CCND3: variants seen among roughly 807,000 people sequenced by gnomAD.
CCND3 encodes the protein G1/S-specific cyclin-D3.
CCND3 carries 9 observed loss-of-function variants against 28.7 expected under a neutral mutation model. The observed-to-expected ratio is 0.31, with a 90% CI of 0.19 to 0.55. The LOEUF is 0.55. Among genes scored for constraint, CCND3 ranks in the 20% least tolerant of loss-of-function variants. CCND3 has a pLI of 0.93. For synonymous variants in CCND3, 164 were observed against 163.9 expected, an observed-to-expected ratio of 1.00 and a Z score of 0.00; for missense variants, 315 against 385.8, an observed-to-expected ratio of 0.82 and a Z score of 1.54.
chr6:41,992,687 T>G (rs1382680171), intron 1 of CCND3, among the ~76,000 whole-genome samples: 1 of 151,772 alleles, frequency 6.6e-6, no homozygotes, highest in Admixed American at 6.6e-5. Flanking sequence ...GACCTTGTGA[T>G]ACACTGGTCT....
At chr6:41,972,240 A>AAAAGAAAAGAAAAGAAAAGAAAAG (rs59527289) in intron 1 of CCND3, among the ~76,000 whole-genome samples, 3 of 99,738 alleles carry the variant, frequency 3.0e-5, no homozygotes, top group African/African-American at 1.2e-4. Flanking sequence ...AAAAAAAAAA[A>AAAAGAAAAGAAAAGAAAAGAAAAG]AAAAGAAAAG....
intron 1 of CCND3, among the ~76,000 whole-genome samples, chr6:42,019,280 G>A (rs1763626117): frequency 2.0e-5 from 3 of 152,110 alleles, no homozygotes; most frequent in Admixed American, 2.0e-4. Context: ...TTGAGGTGAG[G>A]AGTTCGAGAC....
intron 1 of CCND3, among the ~76,000 whole-genome samples, chr6:42,005,540 CAAAAAAAAAAAAAAAA>C (rs58659355): frequency 2.2e-4 from 14 of 62,846 alleles, no homozygotes; most frequent in African/African-American, 6.7e-4. Context: ...GACCCTGTCT[CAAAAAAAAAAAAAAAA>C]AAAAAAAAAA....
rs1276677493 is a variant in CCND3, at chr6:41,937,121, G to A, written c.574+114C>T. 10 of 1,156,606 alleles carry A rather than the reference G, an allele frequency of 8.6e-6. No homozygotes were observed. The East Asian group carries it at 2.1e-4, about 25-fold the overall frequency. The allele number at this position is 1,156,606 out of a possible 1,614,324, so 71.6% of individuals were successfully genotyped here. ...CATTGAGACTGGGGGCTCAGAGGGG[G>A]TATAATTTTCACAAAGGAATTTTGA... On this transcript the variant is annotated intron_variant, in intron 3 of 4. Coordinates refer to ENST00000372991, the MANE Select transcript of CCND3 (RefSeq NM_001760.5).
intron 1 of CCND3, chr6:42,018,482 C>T (rs1204006929): frequency 6.6e-6 from 1 of 152,092 alleles, no homozygotes; most frequent in East Asian, 1.9e-4. Context: ...TGTATCGTTC[C>T]AATTTTAGTA....
At chr6:42,041,271 G>T (rs1230376600) in intron 1 of CCND3, among the ~76,000 whole-genome samples, 1 of 152,228 alleles carries the variant, frequency 6.6e-6, no homozygotes, top group East Asian at 1.9e-4. Flanking sequence ...CAAAAGGCTG[G>T]GCCCAGGCCG....
chr6:42,009,087 G>C (rs1243514135), intron 1 of CCND3, among the ~76,000 whole-genome samples: 1 of 152,198 alleles, frequency 6.6e-6, no homozygotes, highest in African/African-American at 2.4e-5. Context: ...GTTGTGATTA[G>C]AGCCTGAGTG....
upstream of CCND3, among the ~76,000 whole-genome samples, chr6:41,944,446 G>GT (rs1322256397): frequency 6.7e-6 from 1 of 148,472 alleles, no homozygotes; most frequent in Non-Finnish European, 1.5e-5. Flanking sequence ...GGTTTTCTTT[G>GT]TTTTTTTGAC....
At position 42,000,234 on chromosome 6, in the gene CCND3, C is replaced by CGTTTTTTTTT. The variant is rs1762951898; in HGVS notation, c.-46+48266_-46+48267insAAAAAAAAAC. ...AGTCTCGTGGAAATTTGAAAACATA[C>CGTTTTTTTTT]TTTTTTTTTTTTTTTTTTTTTTTTT... is the stretch of plus-strand genomic sequence containing the variant. On this transcript the variant is annotated intron_variant, in intron 1 of 4. Coordinates refer to the CCND3 transcript ENST00000372988. 2.9e-4 allele frequency among the ~76,000 whole-genome samples: 15 copies of CGTTTTTTTTT among 51,012 alleles called. 1 individual carries two copies. The highest frequency in any genetic ancestry group is 4.4e-4 in the Non-Finnish European group (14 of 31,692). The allele number at this position is 51,012 out of a possible 152,430, so 33.5% of individuals were successfully genotyped here. A position where few individuals can be genotyped will look rare whatever the true frequency, so the allele number is the denominator to read the frequency against.
intron 1 of CCND3, among the ~76,000 whole-genome samples, chr6:41,963,451 G>A (rs879837166): frequency 3.3e-5 from 5 of 152,210 alleles, no homozygotes; most frequent in Non-Finnish European, 5.9e-5. Flanking sequence ...AAGGAAAAGT[G>A]TGCTTTATTG....
intron 1 of CCND3, among the ~76,000 whole-genome samples, chr6:42,042,843 G>T (rs975245154): frequency 2.0e-5 from 3 of 151,424 alleles, no homozygotes; most frequent in Admixed American, 2.0e-4. Context: ...GAGAGGTGGG[G>T]TCTATAGTTA....
Position 42,016,322 on chromosome 6 carries a change from T to C in CCND3, c.-46+32179A>G, listed in dbSNP as rs574565830. 7.9e-3 allele frequency among the ~76,000 whole-genome samples: 1,203 copies of C among 152,314 alleles called. 12 individuals are homozygous for C. Among genetic ancestry groups the C allele is most frequent in the Middle Eastern group, 0.014 (4 of 294 alleles). Reference sequence around the variant, plus strand: ...TCCCATCTAGCTGAATTTTTGTATCTTTTGGCCAACATAAAAAGATATTAT... The same window carrying C: ...TCCCATCTAGCTGAATTTTTGTATCCTTTGGCCAACATAAAAAGATATTAT... On this transcript the variant is annotated intron_variant, in intron 1 of 4. Transcript: ENST00000372988.
At chr6:41,975,942 A>T (rs1476594080) in intron 1 of CCND3, among the ~76,000 whole-genome samples, 1 of 152,008 alleles carries the variant, frequency 6.6e-6, no homozygotes, top group African/African-American at 2.4e-5. Context: ...CTCAGGCTCA[A>T]GCAGTCCTCC....
At chr6:42,014,365 C>CCAACA (rs1763435281) in intron 1 of CCND3, among the ~76,000 whole-genome samples, 2 of 148,714 alleles carry the variant, frequency 1.3e-5, no homozygotes, top group Non-Finnish European at 3.0e-5. Flanking sequence ...GACTCTGTCT[C>CCAACA]AAACAAAACA....
intron 1 of CCND3, among the ~76,000 whole-genome samples, chr6:42,032,817 G>T (rs1373472080): frequency 6.6e-6 from 1 of 152,172 alleles, no homozygotes; most frequent in Non-Finnish European, 1.5e-5. Context: ...ACAGCCAGCT[G>T]CCCTCATCTT....
rs1433226575 is a variant in CCND3, at chr6:41,990,480, A to T, written c.-45-49895T>A. 3.3e-5 allele frequency among the ~76,000 whole-genome samples: 5 copies of T among 152,106 alleles called. No homozygotes were observed. In the East Asian group the frequency reaches 9.6e-4, roughly 29 times the overall value. ...CATAAGAAACCACAAAAGACCCCAA[A>T]TAGGCAAAGCAATCCTGAGCAAAAA... On this transcript the variant is annotated intron_variant, in intron 1 of 4. Transcript: ENST00000372988.
intron 1 of CCND3, among the ~76,000 whole-genome samples, chr6:41,977,273 G>A (rs1237641377): frequency 2.0e-5 from 3 of 152,112 alleles, no homozygotes; most frequent in African/African-American, 7.2e-5. Flanking sequence ...GGTTATGAGA[G>A]AAAAAACCCA....
intron 1 of CCND3, among the ~76,000 whole-genome samples, chr6:41,986,042 C>T (rs970697950): frequency 6.6e-5 from 10 of 152,130 alleles, no homozygotes; most frequent in Admixed American, 2.6e-4. Context: ...ATTGTCCTAT[C>T]CCCAGTGTGC....
intron 1 of CCND3, among the ~76,000 whole-genome samples, chr6:41,995,738 T>G (rs1582142745): frequency 6.6e-6 from 1 of 152,148 alleles, no homozygotes; most frequent in East Asian, 1.9e-4. Context: ...CTCTTTTTAT[T>G]CTAAAACACA....
Sources: allele counts gnomAD v4.1 joint callset (sites outside exome capture counted in the v4.1 genomes callset), GRCh38; gene constraint gnomAD v4.1.1; transcripts MANE v1.5; gene names NCBI Gene and HGNC (gene_info 2026-07-23, HGNC 2026-07-21).